STARD13: variants seen among roughly 807,000 people sequenced by gnomAD.
STARD13 encodes StAR related lipid transfer domain containing 13.
In STARD13, 62 loss-of-function variants were observed where a neutral mutation model predicts 106.4. The observed-to-expected ratio is 0.58, with a 90% CI of 0.48 to 0.72. The LOEUF (loss-of-function observed/expected upper bound fraction) is 0.72, where lower values mean the gene tolerates loss of function less well. STARD13 is among the 30% of genes least tolerant of loss of function. The pLI, the probability that STARD13 is intolerant of heterozygous loss-of-function variation, is 0.00. For synonymous variants in STARD13, 565 were observed against 553.0 expected (o/e 1.02, Z -0.31); for missense variants, 1,387 against 1,424.0 (o/e 0.97, Z 0.42).
chr13:33,378,939 G>A, the STARD13 span, among the ~76,000 whole-genome samples: 8 of 151,924 alleles, frequency 5.3e-5, no homozygotes, highest in South Asian at 1.0e-3. Flanking sequence ...GTGGAGCCCC[G>A]TCTCTACCAA....
At chr13:33,620,637 C>T in the STARD13 span, among the ~76,000 whole-genome samples, 1 of 151,556 alleles carries the variant, frequency 6.6e-6, no homozygotes, top group Non-Finnish European at 1.5e-5. Flanking sequence ...TAAACTTTGT[C>T]TTAACACATT....
chr13:33,470,499 A>G, the STARD13 span, among the ~76,000 whole-genome samples: 3 of 151,964 alleles, frequency 2.0e-5, no homozygotes, highest in South Asian at 6.2e-4. Flanking sequence ...GAATCGCCAC[A>G]CTGTCTTCCA....
At chr13:33,617,048 A>G in the STARD13 span, among the ~76,000 whole-genome samples, 1 of 152,246 alleles carries the variant, frequency 6.6e-6, no homozygotes, top group East Asian at 1.9e-4. Context: ...TAGTGCCATT[A>G]GCGTGGTTTA....
At chr13:33,229,666 A>G (rs1007107030) in intron 1 of STARD13, among the ~76,000 whole-genome samples, 11 of 152,214 alleles carry the variant, frequency 7.2e-5, no homozygotes, top group Non-Finnish European at 1.2e-4. Flanking sequence ...CCTGTTTTTC[A>G]CTAGCTTTGG....
chr13:33,439,638 C>A, the STARD13 span: 1 of 1,019,138 alleles, frequency 9.8e-7, no homozygotes, highest in Non-Finnish European at 1.3e-6. Flanking sequence ...AGGCAAAGCT[C>A]TCCAAACAAC....
chr13:33,594,884 T>C, the STARD13 span, among the ~76,000 whole-genome samples: 6 of 152,250 alleles, frequency 3.9e-5, no homozygotes, highest in Admixed American at 6.5e-5. Flanking sequence ...TGTATGTGTA[T>C]ACTGCATTTC....
the STARD13 span, among the ~76,000 whole-genome samples, chr13:33,500,434 C>G: frequency 1.3e-5 from 2 of 152,184 alleles, no homozygotes; most frequent in Admixed American, 1.3e-4. Context: ...TCCTACAGTT[C>G]TGTATCATTA....
chr13:33,622,677 T>C, the STARD13 span, among the ~76,000 whole-genome samples: 3 of 134,876 alleles, frequency 2.2e-5, no homozygotes, highest in Non-Finnish European at 4.7e-5. Flanking sequence ...CTCCCAGCAC[T>C]TTGGGAGGCT....
intron 1 of STARD13, among the ~76,000 whole-genome samples, chr13:33,256,141 G>A (rs941388709): frequency 1.2e-4 from 18 of 152,186 alleles, no homozygotes; most frequent in Non-Finnish European, 2.2e-4. Flanking sequence ...ATTTGGCTTC[G>A]TGGCGTCCCA....
chr13:33,342,795 T>G (rs1340013194), intron 1 of STARD13, among the ~76,000 whole-genome samples: 1 of 152,248 alleles, frequency 6.6e-6, no homozygotes, highest in Non-Finnish European at 1.5e-5. Flanking sequence ...AGAAGAATGT[T>G]GAATTTAGAA....
rs112406009 is a variant in STARD13, at chr13:33,266,342, A to G, written c.169+19128T>C. On this transcript the variant is annotated intron_variant, in intron 1 of 13. Coordinates refer to ENST00000336934, the MANE Select transcript of STARD13 (RefSeq NM_178006.4). ...AAATACATGCTCAACCACGATGACT[A>G]TATCTTTACATTCAGTCTGGCCACT... 2.6e-5 allele frequency among the ~76,000 whole-genome samples: 4 copies of G among 152,322 alleles called. 1 individual carries two copies. The highest frequency in any genetic ancestry group is 7.2e-5 in the African/African-American group (3 of 41,572).
the STARD13 span, among the ~76,000 whole-genome samples, chr13:33,538,994 C>G: frequency 5.3e-5 from 8 of 152,278 alleles, no homozygotes; most frequent in South Asian, 4.1e-4. Context: ...TGGTCTCAAT[C>G]TCCTGACCTT....
At chr13:33,455,218 C>T in the STARD13 span, among the ~76,000 whole-genome samples, 1 of 152,200 alleles carries the variant, frequency 6.6e-6, no homozygotes, top group African/African-American at 2.4e-5. Flanking sequence ...TGAGAGCAGA[C>T]ACAAGCCTCA....
the STARD13 span, among the ~76,000 whole-genome samples, chr13:33,464,619 G>T: frequency 1.4e-4 from 21 of 152,234 alleles, no homozygotes; most frequent in East Asian, 9.7e-4. Context: ...GGAGGCCGAG[G>T]GGGGCAGATC....
intron 7 of STARD13, among the ~76,000 whole-genome samples, chr13:33,125,519 T>C (rs1877020208): frequency 6.6e-6 from 1 of 152,202 alleles, no homozygotes. Flanking sequence ...AGCTTCAGCA[T>C]TGAATCAACT....
At chr13:33,457,043 A>G in the STARD13 span, among the ~76,000 whole-genome samples, 1 of 152,252 alleles carries the variant, frequency 6.6e-6, no homozygotes, top group Admixed American at 6.5e-5. Context: ...AGATTTGGTG[A>G]CAGAGTGTTT....
chr13:33,113,093 G>T (rs1874857313), intron 8 of STARD13, 162 bp from the exon 9 acceptor site: 1 of 567,770 alleles, frequency 1.8e-6, no homozygotes, highest in Non-Finnish European at 3.1e-6. Flanking sequence ...GTCAGTAATT[G>T]CTGAGGCCTC....
At chr13:33,572,182 C>T in the STARD13 span, among the ~76,000 whole-genome samples, 1 of 152,114 alleles carries the variant, frequency 6.6e-6, no homozygotes, top group Non-Finnish European at 1.5e-5. Context: ...ACTTATAATG[C>T]GTTAAATCAA....
At chr13:33,320,766 T>A (rs1255439425) in intron 1 of STARD13, among the ~76,000 whole-genome samples, 1 of 152,168 alleles carries the variant, frequency 6.6e-6, no homozygotes, top group Non-Finnish European at 1.5e-5. Flanking sequence ...AGGCCAGGAA[T>A]CTGAGACCAG....
Sources: allele counts gnomAD v4.1 joint callset (sites outside exome capture counted in the v4.1 genomes callset), GRCh38; gene constraint gnomAD v4.1.1; transcripts MANE v1.5; gene names NCBI Gene and HGNC (gene_info 2026-07-23, HGNC 2026-07-21).